The following CHRDL1 variants were observed in gnomAD, a reference collection of about 807,000 sequenced individuals.
CHRDL1 encodes chordin like 1.
CHRDL1 carries 19 observed loss-of-function variants against 40.9 expected under a neutral mutation model. That is an observed-to-expected ratio of 0.46 (90% confidence interval 0.32 to 0.68). The LOEUF (loss-of-function observed/expected upper bound fraction) is 0.68, where lower values mean the gene tolerates loss of function less well. Among genes scored for constraint, CHRDL1 ranks in the 30% least tolerant of loss-of-function variants. CHRDL1 has a pLI of 0.03. For missense variants in CHRDL1, 329 were observed against 352.1 expected (o/e 0.93, Z 0.53); for synonymous variants, 136 against 123.4 (o/e 1.10, Z -0.68).
rs542018351 is a variant in CHRDL1, at chrX:110,776,022, C to T, written c.95-13215G>A. 1.9e-4 allele frequency among the ~76,000 whole-genome samples: 21 copies of T among 111,789 alleles called. No individual in the cohort carries two copies. In the South Asian group the frequency reaches 7.3e-3, roughly 39 times the overall value. On this transcript the variant is annotated intron_variant, in intron 2 of 11. Transcript: ENST00000372042. The stretch of plus-strand genomic sequence containing the variant: ...TATGTTCTAACAGAATTTTCCCAAT[C>T]CCTCCCTTCCATTCCTTATTACACC...
rs969678914 is a variant in CHRDL1, at chrX:110,705,621, C to G, written c.542-4900G>C. Among the ~76,000 whole-genome samples the G allele has an allele frequency of 2.4e-4, 25 of 105,142 alleles. 1 individual carries two copies. The highest frequency in any genetic ancestry group is 2.1e-3 in the Admixed American group (20 of 9,356). The allele number at this position is 105,142 out of a possible 115,157, so 91.3% of individuals were successfully genotyped here. A position where few individuals can be genotyped will look rare whatever the true frequency, so the allele number is the denominator to read the frequency against. On this transcript the variant is annotated intron_variant, in intron 6 of 11. Transcript: ENST00000372042. ...GCTGATGATGCTCAAAGGAAATTCT[C>G]ACTGGAGCATTTTTGGATTTGGGGT... is the stretch of plus-strand genomic sequence containing the variant.
intron 4 of CHRDL1, among the ~76,000 whole-genome samples, chrX:110,733,931 C>CAAAA (rs1172760631): frequency 8.2e-5 from 1 of 12,125 alleles, no homozygotes; most frequent in African/African-American, 2.2e-4. Flanking sequence ...AACTCTGTCT[C>CAAAA]AAAAAAAAAA....
intron 4 of CHRDL1, among the ~76,000 whole-genome samples, chrX:110,724,280 A>G (rs997811870): frequency 8.9e-6 from 1 of 112,352 alleles, no homozygotes; most frequent in Non-Finnish European, 1.9e-5. Flanking sequence ...CAAGGAATCA[A>G]TGGCAAGGCA....
rs1452697552 is a variant in CHRDL1, at chrX:110,720,249, A to G, written c.448-321T>C. 2.7e-5 allele frequency among the ~76,000 whole-genome samples: 3 copies of G among 110,988 alleles called. No homozygotes were observed. In the Admixed American group the frequency reaches 2.9e-4, roughly 11 times the overall value. ...AGTCTTGTTTCTTTCTTCTCTGTTC[A>G]TGGTACCCTTGGTCCCCCAGCTGGA... On this transcript the variant is annotated intron_variant, in intron 5 of 11. Coordinates refer to ENST00000372042, the MANE Select transcript of CHRDL1 (RefSeq NM_001143981.2).
intron 2 of CHRDL1, among the ~76,000 whole-genome samples, chrX:110,776,082 A>AT (rs1372222157): frequency 3.6e-5 from 4 of 112,077 alleles, no homozygotes; most frequent in African/African-American, 1.3e-4. Flanking sequence ...AGCTACAGAC[A>AT]TGTAAGATAT....
At chrX:110,744,961 TCACACACACACA>T (rs530325738) in intron 4 of CHRDL1, among the ~76,000 whole-genome samples, 22 of 84,505 alleles carry the variant, frequency 2.6e-4, no homozygotes. Flanking sequence ...TCTCTCTCAT[TCACACACACACA>T]CACACACACA....
intron 2 of CHRDL1, among the ~76,000 whole-genome samples, chrX:110,772,484 CA>C (rs1439003133): frequency 8.9e-6 from 1 of 112,434 alleles, no homozygotes; most frequent in Non-Finnish European, 1.9e-5. Context: ...ACTAAAAATA[CA>C]AAAATTAGCC....
chrX:110,735,568 C>T (rs935516092), intron 4 of CHRDL1, among the ~76,000 whole-genome samples: 3 of 112,084 alleles, frequency 2.7e-5, no homozygotes, highest in African/African-American at 6.5e-5. Context: ...AGACCTAACA[C>T]GTTACTCCTA....
chrX:110,732,528 C>T (rs943401032), intron 4 of CHRDL1, among the ~76,000 whole-genome samples: 5 of 111,899 alleles, frequency 4.5e-5, no homozygotes, highest in South Asian at 3.8e-4. Context: ...TGGAAGAGGG[C>T]GCTGAAAGCT....
chrX:110,689,298 T>C (rs1285610822), intron 8 of CHRDL1, among the ~76,000 whole-genome samples: 3 of 96,346 alleles, frequency 3.1e-5, no homozygotes, highest in African/African-American at 1.1e-4. Flanking sequence ...GGTCTCCCTA[T>C]GTTGCCCAGG....
chrX:110,681,734 A>T, intron 9 of CHRDL1, 85 bp from the exon 10 acceptor site: 1 of 674,847 alleles, frequency 1.5e-6, no homozygotes, highest in Non-Finnish European at 2.3e-6. Context: ...CATTGTTCAT[A>T]ACATCTCACA....
chrX:110,679,328 C>T lies in CHRDL1; in HGVS notation c.1246+8G>A. The T allele has an allele frequency of 2.6e-6, 3 of 1,157,266 alleles. No homozygotes were observed. Among genetic ancestry groups the T allele is most frequent in the Non-Finnish European group, 3.5e-6 (3 of 846,093 alleles). ...TTTCAGGGAGCAGTCAAGAGAAGTA[C>T]TACTTACTCAGGGTTGTTCTGGTCA... On this transcript the variant is annotated splice_region_variant and intron_variant, in intron 11 of 11. Coordinates refer to ENST00000372042, the MANE Select transcript of CHRDL1 (RefSeq NM_001143981.2).
intron 4 of CHRDL1, among the ~76,000 whole-genome samples, chrX:110,731,339 C>T (rs1239785088): frequency 9.0e-6 from 1 of 111,077 alleles, no homozygotes. Flanking sequence ...CAAGGGTTAG[C>T]AAGTAGGTGG....
At chrX:110,711,326 C>T (rs948032265) in intron 6 of CHRDL1, among the ~76,000 whole-genome samples, 16 of 111,052 alleles carry the variant, frequency 1.4e-4, no homozygotes, top group Non-Finnish European at 2.6e-4. Flanking sequence ...GGACACTTAA[C>T]GAGATTTACC....
chrX:110,707,345 G>A (rs907720637), intron 6 of CHRDL1, among the ~76,000 whole-genome samples: 2 of 111,708 alleles, frequency 1.8e-5, no homozygotes, highest in Non-Finnish European at 3.8e-5. Flanking sequence ...ACAATCCTAA[G>A]CAAAAGGAAC....
intron 4 of CHRDL1, among the ~76,000 whole-genome samples, chrX:110,747,114 C>T (rs1174039842): frequency 9.1e-6 from 1 of 110,444 alleles, no homozygotes; most frequent in African/African-American, 3.3e-5. Context: ...CTCCACAGGT[C>T]CAAAGCCCTT....
chrX:110,791,428 TC>T (rs900219537), intron 2 of CHRDL1, among the ~76,000 whole-genome samples: 1 of 111,031 alleles, frequency 9.0e-6, no homozygotes, highest in Non-Finnish European at 1.9e-5. Context: ...GGGTTAATTA[TC>T]CCCCCCGCCC....
rs182268312 is a variant in CHRDL1, at chrX:110,690,568, C to T, written c.779-1765G>A. ...CTCTTCCCAAAGGGACAGTTTCTTC[C>T]GGATCCTGAAGCAAATCCATTCAGA... On this transcript the variant is annotated intron_variant, in intron 8 of 11. Coordinates refer to ENST00000372042, the MANE Select transcript of CHRDL1 (RefSeq NM_001143981.2). Among the ~76,000 whole-genome samples, 812 of 110,566 alleles carry T rather than the reference C, an allele frequency of 7.3e-3. 6 individuals are homozygous for T. The highest frequency in any genetic ancestry group is 0.025 in the African/African-American group (764 of 30,323).
rs190381407 is a variant in CHRDL1, at chrX:110,738,548, C to T, written c.302-17018G>A. On this transcript the variant is annotated intron_variant, in intron 4 of 11. Transcript: ENST00000372042. ...ACAAGGTCAAGAGATCGAGACCATCCTGGCTAACACGGTGAAACCCCATCT... is the reference window on the plus strand; with the variant it reads ...ACAAGGTCAAGAGATCGAGACCATCTTGGCTAACACGGTGAAACCCCATCT... 7.0e-3 allele frequency among the ~76,000 whole-genome samples: 773 copies of T among 110,157 alleles called. 11 individuals are homozygous for T. Among genetic ancestry groups the T allele is most frequent in the African/African-American group, 0.023 (706 of 30,202 alleles).
Sources: allele counts gnomAD v4.1 joint callset (sites outside exome capture counted in the v4.1 genomes callset), GRCh38; gene constraint gnomAD v4.1.1; transcripts MANE v1.5; gene names NCBI Gene and HGNC (gene_info 2026-07-23, HGNC 2026-07-21).